Variants in GTF3C4 observed in about 807,000 individuals in gnomAD.
GTF3C4 encodes general transcription factor IIIC subunit 4.
GTF3C4 carries 28 observed loss-of-function variants against 67.5 expected under a neutral mutation model. That is an observed-to-expected ratio of 0.41 (90% CI 0.31 to 0.57). The LOEUF is 0.57. Ranked by LOEUF, GTF3C4 falls within the 20% of genes least tolerant of loss-of-function variation. The probability of loss-of-function intolerance (pLI) is 0.21; values close to 1 mark genes in which losing one functional copy is unlikely to be tolerated. For synonymous variants in GTF3C4, 409 were observed against 393.0 expected (o/e 1.04, Z -0.48); for missense variants, 831 against 1,033.2 (o/e 0.80, Z 2.68).
Position 132,679,635 on chromosome 9 carries a change from C to G in GTF3C4, c.2016C>G (p.Ile672Met). 1.2e-6 allele frequency: 2 copies of G among 1,614,084 alleles called. No individual in the cohort carries two copies. Among genetic ancestry groups the G allele is most frequent in the Non-Finnish European group, 1.7e-6 (2 of 1,180,020 alleles). Residue 672 changes from isoleucine (I) to methionine (M), a missense_variant, in exon 2 of 5, where the codon ATC (isoleucine) becomes ATG (methionine). Transcript: ENST00000372146. This position sits in a 1 kb window ranked among gnomAD's most constrained non-coding sequence, Gnocchi z 5.9. The part of the protein sequence containing the change: ...REPMEEKLLE[I>M]QGKIEAVEMH... ...CAATGGAAGAGAAACTCCTGGAAAT[C>G]CAAGGGAAAATCGAAGCTGTGGAGA... is the stretch of plus-strand genomic sequence containing the variant.
At chr9:132,670,451 C>T (rs1235659933), upstream of GTF3C4, 3 of 943,286 alleles carry the variant, frequency 3.2e-6, no homozygotes, top group African/African-American at 1.7e-5. Context: ...TGCCTGGCAA[C>T]GGCGGGGTCC....
chr9:132,675,086 A>C (rs746541791), intron 1 of GTF3C4, among the ~76,000 whole-genome samples: 20 of 152,146 alleles, frequency 1.3e-4, no homozygotes, highest in South Asian at 2.1e-4. Flanking sequence ...AGGTAACTTT[A>C]TTGAGCGCTT....
At chr9:132,682,102 A>C (rs1223322552) in intron 2 of GTF3C4, among the ~76,000 whole-genome samples, 1 of 152,096 alleles carries the variant, frequency 6.6e-6, no homozygotes, top group African/African-American at 2.4e-5. Flanking sequence ...ACCCTGTCTT[A>C]AAAAGGAAAA....
chr9:132,687,035 T>C (rs565538877), intron 3 of GTF3C4, among the ~76,000 whole-genome samples: 2 of 152,308 alleles, frequency 1.3e-5, no homozygotes, highest in Non-Finnish European at 2.9e-5. Context: ...TTAGAACCGT[T>C]GTGTCTCTTT....
chr9:132,670,386 G>A (rs1048835129), upstream of GTF3C4: 2 of 1,175,512 alleles, frequency 1.7e-6, no homozygotes, highest in Non-Finnish European at 2.2e-6. Context: ...GGGGCTCCCC[G>A]CTCGCTGTCC....
In GTF3C4 at chr9:132,693,896, G is replaced by GA. The variant is rs568174161; in HGVS notation, c.*4956dup. 8 of 152,132 alleles carry GA rather than the reference G, an allele frequency of 5.3e-5. No individual in the cohort carries two copies. Among genetic ancestry groups the GA allele is most frequent in the Non-Finnish European group, 1.2e-4 (8 of 68,018 alleles). 9.4% of individuals were successfully genotyped at this position (152,132 alleles called of 1,614,324 possible). ...ACTTGTTTATAGAAAAGACTATATA[G>GA]AAAAATAAGTCTGTGTTGTGTATAG... On this transcript the variant is annotated 3_prime_UTR_variant, in exon 5 of 5. Transcript: ENST00000372146.
chr9:132,670,781 G>C lies in GTF3C4; in HGVS notation c.183G>C (p.Gln61His), dbSNP rs1044725141. 1.9e-6 allele frequency: 3 copies of C among 1,588,060 alleles called. No homozygotes were observed. The highest frequency in any genetic ancestry group is 2.6e-6 in the Non-Finnish European group (3 of 1,171,906). ...GGCGGGAGCCGGCCGTGAAGCTGCA[G>C]TATGCGGTGAGCGGCCTGGAACCGC... ...VTRREPAVKL[Q>H]YAVSGLEPLA... Residue 61 changes from glutamine to histidine, a missense_variant, in exon 1 of 5, where the codon CAG becomes CAC. Physicochemically the swap from Gln to His is conservative, Grantham distance 24 (BLOSUM62 0). Transcript: ENST00000372146.
intron 1 of GTF3C4, 107 bp downstream of exon 1, chr9:132,671,062 C>A: frequency 1.3e-6 from 1 of 764,730 alleles, no homozygotes. Context: ...GGATTTCCCT[C>A]TTCGCACCGA....
At position 132,683,571 on chromosome 9, in the gene GTF3C4, T is replaced by C. The variant is rs142998410; in HGVS notation, c.2193T>C (p.Ile731=). ...CTACTTTGTCTTACTAGGTGCTGAT[T>C]GGACATATCTCAAAGAAGATGAACA... ...EYDDRTARVL[I]GHISKKMNKQ... The change falls in exon 3 of 5, where the codon ATT becomes ATC. Residue 731 remains isoleucine (I), a synonymous_variant. Coordinates refer to ENST00000372146, the MANE Select transcript of GTF3C4 (RefSeq NM_012204.4). 28 of 1,611,878 alleles carry C rather than the reference T, an allele frequency of 1.7e-5. No homozygotes were observed. The African/African-American group carries it at 3.6e-4, about 21-fold the overall frequency.
Position 132,691,919 on chromosome 9 carries a change from T to A in GTF3C4, c.*2974T>A, listed in dbSNP as rs1436176280. 1 of 152,230 alleles carries A rather than the reference T, an allele frequency of 6.6e-6. No homozygotes were observed. Among genetic ancestry groups the A allele is most frequent in the Non-Finnish European group, 1.5e-5 (1 of 68,044 alleles). 9.4% of individuals were successfully genotyped at this position (152,230 alleles called of 1,614,324 possible). A position where few individuals can be genotyped will look rare whatever the true frequency, so the allele number is the denominator to read the frequency against. On this transcript the variant is annotated 3_prime_UTR_variant, in exon 5 of 5. Coordinates refer to ENST00000372146, the MANE Select transcript of GTF3C4 (RefSeq NM_012204.4). ...AAAAAGAATATTAAAAGGCAATAAT[T>A]AAATATTTCAATTATTTTGTAATTA...
At position 132,689,118 on chromosome 9, in the gene GTF3C4, C is replaced by G; in HGVS notation, c.*173C>G. ...CATTTCTGAATCGCACTCTCCATTT[C>G]CAGAGACTAAAGGATGTCCTTTGAA... is the stretch of plus-strand genomic sequence containing the variant. On this transcript the variant is annotated 3_prime_UTR_variant, in exon 5 of 5. Coordinates refer to ENST00000372146, the MANE Select transcript of GTF3C4 (RefSeq NM_012204.4). 1 of 604,468 alleles carries G rather than the reference C, an allele frequency of 1.7e-6. No homozygotes were observed. 37.4% of individuals were successfully genotyped at this position (604,468 alleles called of 1,614,324 possible).
In GTF3C4 at chr9:132,693,585, TA is replaced by T. The variant is rs1836151477; in HGVS notation, c.*4643del. 1 of 152,196 alleles carries T rather than the reference TA, an allele frequency of 6.6e-6. No homozygotes were observed. Among genetic ancestry groups the T allele is most frequent in the Non-Finnish European group, 1.5e-5 (1 of 68,028 alleles). The allele number at this position is 152,196 out of a possible 1,614,324, so 9.4% of individuals were successfully genotyped here. On this transcript the variant is annotated 3_prime_UTR_variant, in exon 5 of 5. Transcript: ENST00000372146. ...TGGTTAGAATTAAAGTTTAGAACTC[TA>T]AATCTTATGCTTATTTTTAAAGTAA...
chr9:132,685,771 T>C (rs1250519608), intron 3 of GTF3C4, among the ~76,000 whole-genome samples: 1 of 152,250 alleles, frequency 6.6e-6, no homozygotes, highest in African/African-American at 2.4e-5. Flanking sequence ...GCTATTAATA[T>C]GCCAGGCACA....
At chr9:132,673,466 C>CTTTTTA (rs1248850545) in intron 1 of GTF3C4, among the ~76,000 whole-genome samples, 2 of 151,546 alleles carry the variant, frequency 1.3e-5, no homozygotes, top group Non-Finnish European at 2.9e-5. Context: ...ATTTAGCAGT[C>CTTTTTA]TTTTTAGACT....
Position 132,688,957 on chromosome 9 carries a change from C to G in GTF3C4, c.*12C>G, listed in dbSNP as rs370795877. The stretch of plus-strand genomic sequence containing the variant: ...CTCCTGTCTTCTAAATAATCAGTGA[C>G]GGGAAGATGGAAGGGCATGATGAAC... On this transcript the variant is annotated 3_prime_UTR_variant, in exon 5 of 5. Transcript: ENST00000372146. 6.3e-7 allele frequency: 1 copy of G among 1,593,454 alleles called. No homozygotes were observed. The highest frequency in any genetic ancestry group is 8.6e-7 in the Non-Finnish European group (1 of 1,161,898).
upstream of GTF3C4, chr9:132,670,459 T>A (rs948714015): frequency 1.8e-5 from 17 of 949,186 alleles, no homozygotes; most frequent in South Asian, 2.3e-4. Context: ...AACGGCGGGG[T>A]CCTTCTTGGC....
At chr9:132,680,623 G>A (rs466167) in intron 2 of GTF3C4, among the ~76,000 whole-genome samples, 140,069 of 152,318 alleles carry the variant, frequency 0.92, 64,537 homozygotes, top group African/African-American at 0.98. Context: ...CTTATTTAAA[G>A]TATTAATTGA....
intron 1 of GTF3C4, among the ~76,000 whole-genome samples, chr9:132,674,597 A>T (rs1835837830): frequency 6.6e-6 from 1 of 152,210 alleles, no homozygotes; most frequent in East Asian, 1.9e-4. Context: ...AGCAAATTTA[A>T]CCTATTCTAA....
At chr9:132,688,646 T>G (rs548544551) in intron 4 of GTF3C4, among the ~76,000 whole-genome samples, 2 of 152,360 alleles carry the variant, frequency 1.3e-5, no homozygotes, top group South Asian at 4.1e-4. Context: ...TCATTACCCT[T>G]ATTTTCCTGT....
Sources: gnomAD v4.1 joint callset for allele counts (sites outside exome capture counted in the v4.1 genomes callset) on GRCh38, gnomAD v4.1.1 for gene constraint, Gnocchi (gnomAD v3.1) non-coding constraint, MANE v1.5 for transcripts, NCBI Gene and HGNC (gene_info 2026-07-23, HGNC 2026-07-21) for gene names.